SORBS2: variants seen among roughly 807,000 people sequenced by gnomAD.
SORBS2 encodes sorbin and SH3 domain-containing protein 2.
SORBS2 carries 46 observed loss-of-function variants against 97.7 expected under a neutral mutation model. That is an observed-to-expected ratio of 0.47 (90% CI 0.37 to 0.60). SORBS2 has a LOEUF of 0.60. Ranked by LOEUF, SORBS2 falls within the 20% of genes least tolerant of loss-of-function variation. SORBS2 has a pLI of 0.00. For synonymous variants in SORBS2, 476 were observed against 473.4 expected (o/e 1.01, Z -0.07); for missense variants, 1,316 against 1,282.3 (o/e 1.03, Z -0.40).
At chr4:185,729,223 A>G (rs187656157) in intron 2 of SORBS2, among the ~76,000 whole-genome samples, 142 of 152,352 alleles carry the variant, frequency 9.3e-4, no homozygotes, top group Non-Finnish European at 2.2e-4. Context: ...TTCAACAAGT[A>G]AAACTCTTGT....
Position 185,589,678 on chromosome 4 carries a change from C to A in SORBS2, c.2953+1G>T, listed in dbSNP as rs1277779506. On this transcript the variant is annotated splice_donor_variant, in intron 14 of 14. Transcript: ENST00000418609. LOFTEE classifies it high-confidence loss of function. Reference sequence around the variant, plus strand: ...GGTGCCTGAGGAAGAAGCGCACATACCCACAAACCAGCCGTCATCACACTT... The same window carrying A: ...GGTGCCTGAGGAAGAAGCGCACATAACCACAAACCAGCCGTCATCACACTT... 1 of 1,587,908 alleles carries A rather than the reference C, an allele frequency of 6.3e-7. No homozygotes were observed. Among genetic ancestry groups the A allele is most frequent in the Non-Finnish European group, 8.6e-7 (1 of 1,156,444 alleles).
At chr4:185,668,809 C>T (rs916748389) in intron 4 of SORBS2, among the ~76,000 whole-genome samples, 1 of 152,110 alleles carries the variant, frequency 6.6e-6, no homozygotes, top group Non-Finnish European at 1.5e-5. Flanking sequence ...CTTTTCAAGA[C>T]CATGGAAGGC....
chr4:185,942,090 G>A (rs1409534490), intron 1 of SORBS2, among the ~76,000 whole-genome samples: 3 of 152,028 alleles, frequency 2.0e-5, no homozygotes, highest in African/African-American at 4.8e-5. Flanking sequence ...CACTCCAGCT[G>A]GGGTGACAGA....
In SORBS2 at chr4:185,870,127, T is replaced by C. The variant is rs72707654; in HGVS notation, c.-338+86069A>G. 6.4e-3 allele frequency among the ~76,000 whole-genome samples: 982 copies of C among 152,354 alleles called. 6 individuals carry two copies. The highest frequency in any genetic ancestry group is 9.4e-3 in the Non-Finnish European group (640 of 68,028). ...TGTTAACACTGCATTTTCAAACTTA[T>C]TGGGCCATTGTATGCTCTAAACTTC... On this transcript the variant is annotated intron_variant, in intron 1 of 20. Transcript: ENST00000284776.
At chr4:185,757,670 T>C (rs181608336) in intron 2 of SORBS2, among the ~76,000 whole-genome samples, 6 of 152,108 alleles carry the variant, frequency 3.9e-5, no homozygotes, top group Non-Finnish European at 7.4e-5. Flanking sequence ...TAAGAAGACA[T>C]GGAGGCATGA....
intron 4 of SORBS2, among the ~76,000 whole-genome samples, chr4:185,636,049 G>T (rs1290208657): frequency 1.3e-5 from 2 of 152,024 alleles, no homozygotes; most frequent in Non-Finnish European, 2.9e-5. Context: ...AGTAGAGAAG[G>T]GGTTTCACCA....
chr4:185,804,341 G>T (rs1185992171), intron 1 of SORBS2, among the ~76,000 whole-genome samples: 2 of 152,188 alleles, frequency 1.3e-5, no homozygotes, highest in Admixed American at 6.5e-5. Flanking sequence ...CTTGGTAGTG[G>T]ACATGGCAAG....
At chr4:185,632,530 T>C (rs2096924705) in intron 4 of SORBS2, among the ~76,000 whole-genome samples, 2 of 152,196 alleles carry the variant, frequency 1.3e-5, no homozygotes, top group Non-Finnish European at 2.9e-5. Flanking sequence ...ATCAGATCGT[T>C]ATATTACAAT....
intron 2 of SORBS2, among the ~76,000 whole-genome samples, chr4:185,717,126 C>A (rs903099585): frequency 8.5e-5 from 13 of 152,192 alleles, no homozygotes; most frequent in Admixed American, 8.5e-4. Context: ...GAGAAGAGCT[C>A]GTGGCTGGCG....
chr4:185,861,330 A>C (rs970266553), intron 1 of SORBS2, among the ~76,000 whole-genome samples: 11 of 126,600 alleles, frequency 8.7e-5, no homozygotes, highest in African/African-American at 3.3e-4. Flanking sequence ...GGTGGGGTCC[A>C]TCAGTCGGGT....
intron 4 of SORBS2, among the ~76,000 whole-genome samples, chr4:185,667,986 T>G (rs6552904): frequency 0.98 from 148,592 of 152,158 alleles, 72,648 homozygotes; most frequent in East Asian, 1. Context: ...CCCTAATAAT[T>G]CAGCTTTACT....
intron 2 of SORBS2, among the ~76,000 whole-genome samples, chr4:185,710,886 T>C (rs1311606092): frequency 6.6e-6 from 1 of 152,194 alleles, no homozygotes; most frequent in African/African-American, 2.4e-5. Context: ...GCAAACTGAG[T>C]CACATCCCTG....
chr4:185,783,709 G>A (rs1323710568), intron 1 of SORBS2, among the ~76,000 whole-genome samples: 3 of 152,146 alleles, frequency 2.0e-5, no homozygotes, highest in East Asian at 1.9e-4. Context: ...TATCCTGCCC[G>A]CAGTGATGGA....
At chr4:185,700,574 T>C (rs2098246639) in intron 2 of SORBS2, among the ~76,000 whole-genome samples, 1 of 152,204 alleles carries the variant, frequency 6.6e-6, no homozygotes, top group Non-Finnish European at 1.5e-5. Context: ...CAGTTGCAGC[T>C]AGAAGCTTCA....
chr4:185,809,455 C>CAAAAAAAAAAAAAAAAAAA (rs55713465), intron 1 of SORBS2, among the ~76,000 whole-genome samples: 2 of 47,290 alleles, frequency 4.2e-5, no homozygotes, highest in Admixed American at 4.0e-4. Flanking sequence ...ACTGCATTTG[C>CAAAAAAAAAAAAAAAAAAA]AAAAAAAAAA....
chr4:185,660,064 A>G (rs116250965), upstream of SORBS2, among the ~76,000 whole-genome samples: 497 of 152,326 alleles, frequency 3.3e-3, 5 homozygotes, highest in African/African-American at 0.011. Flanking sequence ...ATTCCTCCGA[A>G]ACCTTATCAC....
At chr4:185,635,618 T>C (rs2096983231) in intron 4 of SORBS2, among the ~76,000 whole-genome samples, 1 of 152,164 alleles carries the variant, frequency 6.6e-6, no homozygotes. Context: ...TCTCAAGCAC[T>C]GGGAAAATTG....
chr4:185,800,423 C>G (rs1217629367), intron 1 of SORBS2, among the ~76,000 whole-genome samples: 2 of 152,124 alleles, frequency 1.3e-5, no homozygotes, highest in African/African-American at 4.8e-5. Context: ...TGGGAACTTC[C>G]CTGACTGTCC....
intron 3 of SORBS2, among the ~76,000 whole-genome samples, chr4:185,648,336 G>A (rs1224239555): frequency 6.6e-6 from 1 of 152,022 alleles, no homozygotes; most frequent in African/African-American, 2.4e-5. Flanking sequence ...CCAAGGTGGT[G>A]AAACACCATA....
Sources: gnomAD v4.1 joint callset for allele counts (sites outside exome capture counted in the v4.1 genomes callset) on GRCh38, gnomAD v4.1.1 for gene constraint, MANE v1.5 for transcripts, NCBI Gene and HGNC (gene_info 2026-07-23, HGNC 2026-07-21) for gene names.